NWD1: variants seen among roughly 807,000 people sequenced by gnomAD.
The protein encoded by NWD1 is NACHT and WD repeat domain containing 1, also known as NACHT domain- and WD repeat-containing protein 1.
In NWD1, 129 loss-of-function variants were observed where a neutral mutation model predicts 135.1. That is an observed-to-expected ratio of 0.96 (90% CI 0.83 to 1.11). NWD1 has a LOEUF of 1.11. Ranked by LOEUF, NWD1 falls within the 50% of genes least tolerant of loss-of-function variation. The probability of loss-of-function intolerance (pLI) is 0.00; values close to 1 mark genes in which losing one functional copy is unlikely to be tolerated. For synonymous variants in NWD1, 773 were observed against 786.0 expected (o/e 0.98, Z 0.28); for missense variants, 1,740 against 1,851.3 (o/e 0.94, Z 1.10).
intron 17 of NWD1, among the ~76,000 whole-genome samples, chr19:16,804,121 A>T (rs964242674): frequency 6.6e-6 from 1 of 152,046 alleles, no homozygotes; most frequent in African/African-American, 2.4e-5. Context: ...CCCCAGAGGG[A>T]GATGAGAAAA....
In NWD1 at chr19:16,749,979, GC is replaced by G. The variant is rs1568350922; in HGVS notation, c.1339del (p.His447MetfsTer46). ...GCTATGGATGACCTGGACTCTGTCC[GC>G]CATGCTCGGAGGGTTCCCTGGCTGC... Reference protein sequence around the residue: ...LDAMDDLDSVRHARRVPWLPL... With the variant: ...LDAMDDLDSVXHARRVPWLPL... On this transcript the variant is annotated frameshift_variant, in exon 6 of 19. Coordinates refer to ENST00000524140, the MANE Select transcript of NWD1 (RefSeq NM_001007525.5). LOFTEE classifies it high-confidence loss of function. The G allele has an allele frequency of 1.2e-6, 2 of 1,613,828 alleles. No individual in the cohort carries two copies. Among genetic ancestry groups the G allele is most frequent in the Non-Finnish European group, 1.7e-6 (2 of 1,180,012 alleles).
At chr19:16,796,261 C>G (rs1238460635) in intron 15 of NWD1, among the ~76,000 whole-genome samples, 1 of 151,940 alleles carries the variant, frequency 6.6e-6, no homozygotes, top group Non-Finnish European at 1.5e-5. Context: ...AACTTCTGAT[C>G]TGAACTTCTG....
chr19:16,735,858 GAAGGAAGGAGGAAGGA>G (rs1568337471), intron 3 of NWD1, among the ~76,000 whole-genome samples: 2 of 77,464 alleles, frequency 2.6e-5, no homozygotes, highest in African/African-American at 6.7e-5. Context: ...AGGAAGGAAG[GAAGGAAGGAGGAAGGA>G]AGGAAGGAAG....
In NWD1 at chr19:16,762,052, G is replaced by T. The variant is rs564613896; in HGVS notation, c.2047G>T (p.Asp683Tyr). 1 of 1,614,016 alleles carries T rather than the reference G, an allele frequency of 6.2e-7. No homozygotes were observed. The highest frequency in any genetic ancestry group is 2.2e-5 in the East Asian group (1 of 44,872). Reference protein sequence around the residue: ...ERAKRHGVLADFFSGTWSQGT... With the variant: ...ERAKRHGVLAYFFSGTWSQGT... ...AGCCAAGAGGCATGGCGTCCTGGCC[G>T]ACTTCTTCTCAGGGACCTGGAGCCA... The change falls in exon 8 of 19, where the codon GAC (aspartate) becomes TAC (tyrosine). Residue 683 changes from aspartate to tyrosine, a missense_variant. Asp to Tyr is a radical substitution (Grantham distance 160). Transcript: ENST00000524140.
At chr19:16,807,466 C>T (rs550191152) in intron 17 of NWD1, 120 bp from the exon 18 acceptor site, 1 of 768,804 alleles carries the variant, frequency 1.3e-6, no homozygotes, top group Admixed American at 2.4e-5. Flanking sequence ...GCACTACAGC[C>T]TGGGCAACAG....
At chr19:16,800,264 T>C (rs1361204086) in intron 17 of NWD1, 102 bp downstream of exon 17, 1 of 1,202,662 alleles carries the variant, frequency 8.3e-7, no homozygotes, top group African/African-American at 1.5e-5. Flanking sequence ...CTGGGCCCCA[T>C]GGCTCACGCC....
At position 16,808,037 on chromosome 19, in the gene NWD1, C is replaced by T; in HGVS notation, c.4188C>T (p.Val1396=). ...GGAGCCGAGTTGCCTGTGTGGAGGT[C>T]AGCCACAAGGAGCAGCTGGTGGTCA... ...THRSRVACVE[V]SHKEQLVVSG... is the part of the protein sequence containing the mutation. Residue 1396 remains valine (V), a synonymous_variant, in exon 18 of 19, where the codon GTC becomes GTT. Transcript: ENST00000524140. 6.2e-7 allele frequency: 1 copy of T among 1,614,116 alleles called. No homozygotes were observed. The highest frequency in any genetic ancestry group is 8.5e-7 in the Non-Finnish European group (1 of 1,180,008).
intron 6 of NWD1, among the ~76,000 whole-genome samples, chr19:16,751,905 GA>G (rs1470091909): frequency 6.8e-6 from 1 of 147,674 alleles, no homozygotes; most frequent in African/African-American, 2.5e-5. Context: ...GAGAAAGAGA[GA>G]AAAAGGGAAA....
At chr19:16,769,057 C>T (rs572329426) in intron 10 of NWD1, among the ~76,000 whole-genome samples, 21 of 152,232 alleles carry the variant, frequency 1.4e-4, no homozygotes, top group African/African-American at 2.6e-4. Context: ...CCAAAACGGC[C>T]GGGGTGGCTC....
Position 16,790,638 on chromosome 19 carries a change from A to AATAATAAT in NWD1, c.2941-711_2941-710insTAATAATA, listed in dbSNP as rs1555730371. Among the ~76,000 whole-genome samples, 90 of 56,966 alleles carry AATAATAAT rather than the reference A, an allele frequency of 1.6e-3. 1 individual carries two copies. Among genetic ancestry groups the AATAATAAT allele is most frequent in the African/African-American group, 3.0e-3 (53 of 17,958 alleles). 37.4% of individuals were successfully genotyped at this position (56,966 alleles called of 152,430 possible). A position where few individuals can be genotyped will look rare whatever the true frequency, so the allele number is the denominator to read the frequency against. On this transcript the variant is annotated intron_variant, in intron 13 of 18. Coordinates refer to ENST00000524140, the MANE Select transcript of NWD1 (RefSeq NM_001007525.5). ...CCAAAACTGAAAGTAACATTAAAAA[A>AATAATAAT]AAATAAATAAATAAATAAATAAATA...
intron 6 of NWD1, among the ~76,000 whole-genome samples, chr19:16,755,221 C>CTTTT (rs113345639): frequency 6.6e-6 from 1 of 151,820 alleles, no homozygotes; most frequent in Admixed American, 6.6e-5. Flanking sequence ...CTCTCTCTCT[C>CTTTT]TTTTTTGGGG....
intron 4 of NWD1, among the ~76,000 whole-genome samples, chr19:16,743,355 T>G (rs541194832): frequency 2.6e-5 from 4 of 152,186 alleles, no homozygotes; most frequent in Non-Finnish European, 5.9e-5. Context: ...AGACTACAGA[T>G]GCACACCCCC....
Position 16,737,964 on chromosome 19 carries a change from CGAAAAGAAAA to C in NWD1, c.198+1254_198+1263del, listed in dbSNP as rs60410383. ...TGGGCGACAGAGCAAGACTCTATCT[CGAAAAGAAAA>C]GAAAAGAAAAGAAAAGAAAAGAAAA... On this transcript the variant is annotated intron_variant, in intron 4 of 18. Transcript: ENST00000524140. 3.1e-3 allele frequency among the ~76,000 whole-genome samples: 386 copies of C among 124,632 alleles called. 4 individuals are homozygous for C. The highest frequency in any genetic ancestry group is 8.4e-3 in the East Asian group (40 of 4,784). The allele number at this position is 124,632 out of a possible 152,430, so 81.8% of individuals were successfully genotyped here.
At chr19:16,721,078 G>A (rs1366079279) in intron 1 of NWD1, among the ~76,000 whole-genome samples, 1 of 152,080 alleles carries the variant, frequency 6.6e-6, no homozygotes, top group Non-Finnish European at 1.5e-5. Flanking sequence ...TCGAACTCCT[G>A]GCCTCAAGTA....
rs775081121 is a variant in NWD1 at position 16,762,014 on chromosome 19, C to G, written c.2009C>G (p.Ser670Ter). ...GAGGTGGTCCGTGAGCGCTACCTGT[C>G]AGGATCCGAGAGAGCCAAGAGGCAT... ...LVEVVRERYL[S>*]GSERAKRHGV... is the part of the protein sequence containing the mutation. The change falls in exon 8 of 19, where the codon TCA (serine) becomes TGA (stop). Residue 670 changes from serine (S) to a stop codon, truncating the protein, a stop_gained. Coordinates refer to ENST00000524140, the MANE Select transcript of NWD1 (RefSeq NM_001007525.5). LOFTEE classifies it high-confidence loss of function. 6.2e-7 allele frequency: 1 copy of G among 1,614,056 alleles called. No individual in the cohort carries two copies. Among genetic ancestry groups the G allele is most frequent in the South Asian group, 1.1e-5 (1 of 91,076 alleles).
intron 12 of NWD1, among the ~76,000 whole-genome samples, chr19:16,781,713 A>C (rs561379147): frequency 6.6e-6 from 1 of 152,234 alleles, no homozygotes; most frequent in South Asian, 2.1e-4. Flanking sequence ...CTCCATGCTT[A>C]TTTGTTGAAT....
chr19:16,801,000 A>C (rs1408762285), intron 17 of NWD1, among the ~76,000 whole-genome samples: 1 of 152,120 alleles, frequency 6.6e-6, no homozygotes, highest in African/African-American at 2.4e-5. Flanking sequence ...GGATGTGGCC[A>C]GTCATGGTGG....
At chr19:16,767,211 G>A (rs920529832) in intron 10 of NWD1, among the ~76,000 whole-genome samples, 10 of 117,534 alleles carry the variant, frequency 8.5e-5, no homozygotes, top group Admixed American at 2.5e-4. Flanking sequence ...ACAGAGTCTC[G>A]CTCTGTCGCC....
chr19:16,755,916 C>T, intron 6 of NWD1, among the ~76,000 whole-genome samples: 1 of 152,118 alleles, frequency 6.6e-6, no homozygotes, highest in Non-Finnish European at 1.5e-5. Context: ...CAACGTACCT[C>T]AAAATTGATG....
Sources: gnomAD v4.1 joint callset for allele counts (sites outside exome capture counted in the v4.1 genomes callset) on GRCh38, gnomAD v4.1.1 for gene constraint, MANE v1.5 for transcripts, NCBI Gene and HGNC (gene_info 2026-07-23, HGNC 2026-07-21) for gene names.